The following ADAMTSL1 variants were observed in gnomAD, a reference collection of about 807,000 sequenced individuals.
ADAMTSL1 encodes the protein ADAMTS like 1.
In ADAMTSL1, 126 loss-of-function variants were observed where a neutral mutation model predicts 201.8. The observed-to-expected ratio is 0.62, with a 90% CI of 0.54 to 0.72. ADAMTSL1 has a LOEUF of 0.72. Among genes scored for constraint, ADAMTSL1 ranks in the 30% least tolerant of loss-of-function variants. The pLI is 0.00. For missense variants in ADAMTSL1, 2,679 were observed against 2,277.8 expected (o/e 1.18, Z -3.59); for synonymous variants, 1,121 against 903.4 (o/e 1.24, Z -4.32).
intron 1 of ADAMTSL1, among the ~76,000 whole-genome samples, chr9:17,912,124 T>G (rs1825916096): frequency 2.0e-5 from 1 of 50,442 alleles, no homozygotes; most frequent in African/African-American, 3.5e-5. Context: ...TTTGCTGTTG[T>G]GAATAATGCC....
At chr9:18,589,374 T>C (rs1823760201) in intron 4 of ADAMTSL1, among the ~76,000 whole-genome samples, 1 of 152,198 alleles carries the variant, frequency 6.6e-6, no homozygotes, top group African/African-American at 2.4e-5. Flanking sequence ...ATTTTTCAAA[T>C]TGATCACTGT....
chr9:18,893,515 A>G (rs553532964), intron 26 of ADAMTSL1, among the ~76,000 whole-genome samples: 2 of 152,308 alleles, frequency 1.3e-5, no homozygotes, highest in East Asian at 3.9e-4. Flanking sequence ...ATCACCTGGG[A>G]ATCTTATTAA....
At chr9:18,557,278 G>C (rs964818024) in intron 3 of ADAMTSL1, among the ~76,000 whole-genome samples, 11 of 152,018 alleles carry the variant, frequency 7.2e-5, no homozygotes, top group Admixed American at 3.9e-4. Context: ...ATCTGGGTGA[G>C]AGGAGACTCT....
intron 2 of ADAMTSL1, among the ~76,000 whole-genome samples, chr9:18,220,754 T>G (rs1830226023): frequency 6.6e-6 from 1 of 152,102 alleles, no homozygotes; most frequent in Non-Finnish European, 1.5e-5. Context: ...TACATTTTAC[T>G]TATACTTTTT....
chr9:18,210,506 G>T (rs1344678849), intron 2 of ADAMTSL1, among the ~76,000 whole-genome samples: 1 of 145,750 alleles, frequency 6.9e-6, no homozygotes, highest in African/African-American at 2.5e-5. Context: ...AATTATATAT[G>T]ATATATATTA....
At chr9:18,412,645 A>G (rs560039945) in intron 2 of ADAMTSL1, among the ~76,000 whole-genome samples, 3 of 152,116 alleles carry the variant, frequency 2.0e-5, no homozygotes, top group Non-Finnish European at 4.4e-5. Flanking sequence ...GCTACTATGG[A>G]TTTTTATAGT....
intron 9 of ADAMTSL1, among the ~76,000 whole-genome samples, chr9:18,674,401 G>C (rs1206690969): frequency 6.6e-6 from 1 of 151,864 alleles, no homozygotes; most frequent in African/African-American, 2.4e-5. Context: ...AACAAAATTT[G>C]ACTTCTCTCA....
chr9:17,962,871 T>C (rs933949683), intron 1 of ADAMTSL1, among the ~76,000 whole-genome samples: 1 of 152,226 alleles, frequency 6.6e-6, no homozygotes, highest in African/African-American at 2.4e-5. Context: ...TCAAAGTACA[T>C]GGCCTTGTTG....
intron 19 of ADAMTSL1, among the ~76,000 whole-genome samples, chr9:18,790,613 T>C (rs938514178): frequency 2.6e-5 from 4 of 152,132 alleles, no homozygotes; most frequent in Non-Finnish European, 5.9e-5. Flanking sequence ...GGTCCATATC[T>C]TATTCTCATG....
intron 3 of ADAMTSL1, among the ~76,000 whole-genome samples, chr9:18,558,720 G>A (rs924514661): frequency 1.3e-5 from 2 of 152,010 alleles, no homozygotes; most frequent in African/African-American, 2.4e-5. Context: ...GCATGATATG[G>A]TATCTCATTA....
intron 10 of ADAMTSL1, 36 bp from the exon 11 acceptor site, chr9:18,680,276 G>C (rs375041109): frequency 1.3e-6 from 2 of 1,599,424 alleles, no homozygotes; most frequent in Non-Finnish European, 1.7e-6. Flanking sequence ...TTAGCAATGT[G>C]CATGTCTGCC....
chr9:18,352,465 C>G (rs1039380786), intron 2 of ADAMTSL1, among the ~76,000 whole-genome samples: 1 of 152,138 alleles, frequency 6.6e-6, no homozygotes, highest in Non-Finnish European at 1.5e-5. Flanking sequence ...ACCTAGTGTC[C>G]TATTCTAGGC....
rs373279194 is a variant in ADAMTSL1 at position 18,533,415 on chromosome 9, A to G, written c.237+123A>G. On this transcript the variant is annotated intron_variant, in intron 3 of 28. Transcript: ENST00000380548. ...ATTTCACTGAGAGTTTTTATCTCAT[A>G]CTGTACTGATTATATGCAGGACTAA... is the stretch of plus-strand genomic sequence containing the variant. The G allele has an allele frequency of 1.7e-3, 1,109 of 658,192 alleles. 14 individuals are homozygous for G. In the South Asian group the frequency reaches 0.027, roughly 16 times the overall value. The allele number at this position is 658,192 out of a possible 1,614,324, so 40.8% of individuals were successfully genotyped here. A position where few individuals can be genotyped will look rare whatever the true frequency, so the allele number is the denominator to read the frequency against.
At chr9:18,164,603 G>T (rs545847419) in intron 2 of ADAMTSL1, among the ~76,000 whole-genome samples, 1 of 151,850 alleles carries the variant, frequency 6.6e-6, no homozygotes, top group South Asian at 2.1e-4. Flanking sequence ...CAGACAACTT[G>T]TGAAAGTTCT....
At chr9:18,605,088 C>A (rs1048084210) in intron 4 of ADAMTSL1, among the ~76,000 whole-genome samples, 1 of 152,198 alleles carries the variant, frequency 6.6e-6, no homozygotes, top group African/African-American at 2.4e-5. Context: ...CATGGAACTC[C>A]TCTCACTTGT....
chr9:18,476,475 A>T (rs960889092), intron 1 of ADAMTSL1, among the ~76,000 whole-genome samples: 1 of 152,150 alleles, frequency 6.6e-6, no homozygotes, highest in Non-Finnish European at 1.5e-5. Flanking sequence ...ATCATTAAAG[A>T]TATGTACAAT....
At chr9:18,763,239 T>A (rs1176810802) in intron 16 of ADAMTSL1, among the ~76,000 whole-genome samples, 1 of 152,198 alleles carries the variant, frequency 6.6e-6, no homozygotes, top group African/African-American at 2.4e-5. Context: ...AGTTTTGATT[T>A]GCATTTCTTT....
At chr9:18,059,808 A>G (rs775289823) in intron 1 of ADAMTSL1, among the ~76,000 whole-genome samples, 3 of 152,184 alleles carry the variant, frequency 2.0e-5, no homozygotes, top group Admixed American at 6.6e-5. Flanking sequence ...TTAGAACTAA[A>G]TAAGAATGAA....
At chr9:18,882,402 AG>A (rs1828586864) in intron 23 of ADAMTSL1, among the ~76,000 whole-genome samples, 1 of 152,158 alleles carries the variant, frequency 6.6e-6, no homozygotes. Context: ...CAGGCTAAAA[AG>A]CTTTATTTGT....
Sources: allele counts gnomAD v4.1 joint callset (sites outside exome capture counted in the v4.1 genomes callset), GRCh38; gene constraint gnomAD v4.1.1; transcripts MANE v1.5; gene names NCBI Gene and HGNC (gene_info 2026-07-23, HGNC 2026-07-21).